DPP10: variants seen among roughly 807,000 people sequenced by gnomAD.
DPP10 encodes inactive dipeptidyl peptidase 10.
Under a neutral mutation model 120.9 loss-of-function variants are expected in DPP10, and 33 were observed. The ratio of observed to expected loss-of-function variants is 0.27; its 90% CI spans 0.21 to 0.37. The LOEUF (loss-of-function observed/expected upper bound fraction) is 0.37. DPP10 is among the 10% of genes least tolerant of loss of function. DPP10 has a pLI of 1.00. For synonymous variants in DPP10, 337 were observed against 326.1 expected, an observed-to-expected ratio of 1.03 and a Z score of -0.36; for missense variants, 816 against 942.8, an observed-to-expected ratio of 0.87 and a Z score of 1.76.
intron 7 of DPP10, among the ~76,000 whole-genome samples, chr2:115,700,609 A>C (rs1257353674): frequency 3.9e-5 from 6 of 152,170 alleles, no homozygotes; most frequent in Non-Finnish European, 7.4e-5. Context: ...ACAAAAAAAT[A>C]AAATCAATTC....
chr2:114,673,619 C>T (rs1698486751), intron 1 of DPP10, among the ~76,000 whole-genome samples: 1 of 151,872 alleles, frequency 6.6e-6, no homozygotes, highest in Non-Finnish European at 1.5e-5. Flanking sequence ...CCTCATCTGG[C>T]TAATTTTTGT....
chr2:114,615,757 C>T (rs1051163300), intron 1 of DPP10, among the ~76,000 whole-genome samples: 3 of 152,200 alleles, frequency 2.0e-5, no homozygotes, highest in East Asian at 1.9e-4. Context: ...AAAGGGAGAA[C>T]CTGACATAAA....
At chr2:114,724,658 C>G (rs1394900768) in intron 1 of DPP10, among the ~76,000 whole-genome samples, 1 of 152,134 alleles carries the variant, frequency 6.6e-6, no homozygotes, top group Admixed American at 6.5e-5. Flanking sequence ...GAATTTGGCT[C>G]TTTACATCAA....
intron 5 of DPP10, among the ~76,000 whole-genome samples, chr2:115,596,822 T>C (rs1360683775): frequency 3.3e-5 from 5 of 152,190 alleles, no homozygotes; most frequent in Non-Finnish European, 7.4e-5. Flanking sequence ...GTAAACACTT[T>C]TAATGTACAC....
intron 19 of DPP10, among the ~76,000 whole-genome samples, chr2:115,798,762 T>A (rs994583813): frequency 6.6e-5 from 10 of 152,182 alleles, no homozygotes; most frequent in African/African-American, 1.2e-4. Flanking sequence ...TAGTAAAGTT[T>A]TAATCAACGT....
chr2:115,301,555 T>C (rs1226064985), intron 1 of DPP10, among the ~76,000 whole-genome samples: 1 of 151,450 alleles, frequency 6.6e-6, no homozygotes, highest in Non-Finnish European at 1.5e-5. Flanking sequence ...CCTACCTTTT[T>C]CACTGTGGCT....
At chr2:114,689,135 G>T (rs1699569855) in intron 1 of DPP10, among the ~76,000 whole-genome samples, 1 of 151,710 alleles carries the variant, frequency 6.6e-6, no homozygotes, top group Admixed American at 6.6e-5. Context: ...TGTTACATAG[G>T]TAAACATGTG....
At chr2:114,782,988 A>G (rs920432623) in intron 1 of DPP10, among the ~76,000 whole-genome samples, 3 of 152,162 alleles carry the variant, frequency 2.0e-5, no homozygotes, top group Non-Finnish European at 4.4e-5. Flanking sequence ...GAAAGAATTG[A>G]TAGAATATGC....
Position 114,994,964 on chromosome 2 carries a change from C to T in DPP10, c.61-314275C>T, listed in dbSNP as rs138276871. Among the ~76,000 whole-genome samples, 217 of 152,230 alleles carry T rather than the reference C, an allele frequency of 1.4e-3. 4 individuals are homozygous for T. Among genetic ancestry groups the T allele is most frequent in the Admixed American group, 0.013 (195 of 15,296 alleles). ...AAATGCACCCAATTCTCAAGCACTC[C>T]CTGTATTCTACAATGTTCCTTCACG... On this transcript the variant is annotated intron_variant, in intron 1 of 25. Transcript: ENST00000410059.
intron 5 of DPP10, among the ~76,000 whole-genome samples, chr2:115,609,068 T>C (rs2083901967): frequency 6.6e-6 from 1 of 152,086 alleles, no homozygotes; most frequent in African/African-American, 2.4e-5. Flanking sequence ...GGCACATCAT[T>C]ATGAAATTCC....
At chr2:115,288,437 G>C (rs1206329059) in intron 1 of DPP10, among the ~76,000 whole-genome samples, 3 of 151,988 alleles carry the variant, frequency 2.0e-5, no homozygotes, top group African/African-American at 4.8e-5. Context: ...CCTCAACCTG[G>C]TCAGGCGTGG....
intron 1 of DPP10, among the ~76,000 whole-genome samples, chr2:114,977,351 A>C (rs898372745): frequency 6.6e-6 from 1 of 152,172 alleles, no homozygotes; most frequent in Non-Finnish European, 1.5e-5. Context: ...TTATAATGTA[A>C]GTGAATGAAT....
chr2:115,282,819 A>G (rs1241620364), intron 1 of DPP10, among the ~76,000 whole-genome samples: 1 of 152,000 alleles, frequency 6.6e-6, no homozygotes, highest in East Asian at 1.9e-4. Context: ...ATTTTGTTTC[A>G]GTCTCACTGA....
rs991847821 is a variant in DPP10 at position 115,054,092 on chromosome 2, G to A, written c.61-255147G>A. Among the ~76,000 whole-genome samples the A allele has an allele frequency of 7.9e-5, 12 of 152,260 alleles. No individual in the cohort carries two copies. In the South Asian group the frequency reaches 2.1e-3, roughly 26 times the overall value. Reference sequence around the variant, plus strand: ...ACAAGTAGGATAGAGCAGCTAATATGTTAGGTTCACAGAGATCAGTCAATT... The same window carrying A: ...ACAAGTAGGATAGAGCAGCTAATATATTAGGTTCACAGAGATCAGTCAATT... On this transcript the variant is annotated intron_variant, in intron 1 of 25. Coordinates refer to ENST00000410059, the MANE Select transcript of DPP10 (RefSeq NM_020868.6).
intron 1 of DPP10, among the ~76,000 whole-genome samples, chr2:114,790,575 G>A (rs562556293): frequency 2.2e-4 from 33 of 152,038 alleles, no homozygotes; most frequent in Non-Finnish European, 3.2e-4. Flanking sequence ...AAGAGAGTCC[G>A]CAAAGGGAGA....
At chr2:114,690,463 C>T (rs139007629) in intron 1 of DPP10, among the ~76,000 whole-genome samples, 7 of 152,144 alleles carry the variant, frequency 4.6e-5, no homozygotes, top group African/African-American at 1.4e-4. Context: ...TGTACCCGTA[C>T]CATGCTGTTT....
chr2:114,670,610 G>A (rs1490670460), intron 1 of DPP10, among the ~76,000 whole-genome samples: 1 of 152,012 alleles, frequency 6.6e-6, no homozygotes, highest in Non-Finnish European at 1.5e-5. Context: ...CAGCACACCA[G>A]CATGACACAT....
At chr2:115,149,677 TTC>T (rs903095167) in intron 1 of DPP10, among the ~76,000 whole-genome samples, 3 of 152,172 alleles carry the variant, frequency 2.0e-5, no homozygotes, top group South Asian at 2.1e-4. Flanking sequence ...TTCTAAGAAA[TTC>T]TGTTTTGTTT....
chr2:115,636,524 A>G (rs374236996), intron 5 of DPP10, among the ~76,000 whole-genome samples: 2 of 152,106 alleles, frequency 1.3e-5, no homozygotes, highest in African/African-American at 2.4e-5. Context: ...GGATCATTCA[A>G]CAAAACAGTT....
Sources: gnomAD v4.1 joint callset for allele counts (sites outside exome capture counted in the v4.1 genomes callset) on GRCh38, gnomAD v4.1.1 for gene constraint, MANE v1.5 for transcripts, NCBI Gene and HGNC (gene_info 2026-07-23, HGNC 2026-07-21) for gene names.